Variants in CITED4 observed in about 807,000 individuals in gnomAD.
CITED4 encodes the protein cbp/p300-interacting transactivator 4.
CITED4 carries 3 observed loss-of-function variants against 3.3 expected under a neutral mutation model. That is an observed-to-expected ratio of 0.92 (90% CI 0.42 to 2.38). The LOEUF (loss-of-function observed/expected upper bound fraction) is 2.38, where lower values mean the gene tolerates loss of function less well. Ranked by LOEUF, CITED4 falls within the 30% of genes most tolerant of loss-of-function variation. The pLI is 0.05. For synonymous variants in CITED4, 167 were observed against 145.8 expected (o/e 1.15, Z -1.05); for missense variants, 333 against 274.2 (o/e 1.21, Z -1.51).
chr1:40,861,679 C>A lies in CITED4; in HGVS notation c.449G>T (p.Gly150Val). 6.7e-7 allele frequency: 1 copy of A among 1,496,174 alleles called. No homozygotes were observed. The highest frequency in any genetic ancestry group is 8.9e-7 in the Non-Finnish European group (1 of 1,125,334). The allele number at this position is 1,496,174 out of a possible 1,614,324, so 92.7% of individuals were successfully genotyped here. Residue 150 changes from glycine to valine, a missense_variant, in exon 1 of 1, where the codon GGG (glycine) becomes GTG (valine). Physicochemically the swap from Gly to Val is moderately radical, Grantham distance 109. Transcript: ENST00000372638. ...EALTSLELEL[G>V]LHRVRELPEL... ...GGGCAGCTCGCGCACGCGGTGCAGC[C>A]CGAGCTCCAGCTCCAGCGACGTCAG...
At position 40,861,499 on chromosome 1, in the gene CITED4, T is replaced by G; in HGVS notation, c.*74A>C. ...CGCGGAGGGCGCGCGCGGGGCCCAG[T>G]CGCTGGGTGCAGGGTCCGGCGGGCA... On this transcript the variant is annotated 3_prime_UTR_variant, in exon 1 of 1. Coordinates refer to ENST00000372638, the MANE Select transcript of CITED4 (RefSeq NM_133467.3). 1.0e-6 allele frequency: 1 copy of G among 966,236 alleles called. No individual in the cohort carries two copies. The highest frequency in any genetic ancestry group is 1.3e-6 in the Non-Finnish European group (1 of 742,510). The allele number at this position is 966,236 out of a possible 1,614,324, so 59.9% of individuals were successfully genotyped here.
rs1431897882 is a variant in CITED4 at position 40,862,018 on chromosome 1, C to G, written c.110G>C (p.Gly37Ala). The change falls in exon 1 of 1, where the codon GGC becomes GCC. Residue 37 changes from glycine to alanine, a missense_variant. Gly to Ala is a moderately conservative substitution (Grantham distance 60). Coordinates refer to ENST00000372638, the MANE Select transcript of CITED4 (RefSeq NM_133467.3). ...HALRTLPPYA[G>A]PGLDSGLRPR... is the part of the protein sequence containing the mutation. ...CCTCAGCCCACTGTCCAGGCCCGGG[C>G]CCGCGTACGGCGGCAGAGTCCGGAG... The G allele has an allele frequency of 1.5e-6, 2 of 1,301,088 alleles. No individual in the cohort carries two copies. Among genetic ancestry groups the G allele is most frequent in the Non-Finnish European group, 2.0e-6 (2 of 1,024,242 alleles). The allele number at this position is 1,301,088 out of a possible 1,614,324, so 80.6% of individuals were successfully genotyped here. A position where few individuals can be genotyped will look rare whatever the true frequency, so the allele number is the denominator to read the frequency against.
rs1477235585 is a variant in CITED4 at position 40,861,999 on chromosome 1, C to A, written c.129G>T (p.Gly43=). The A allele has an allele frequency of 3.9e-6, 5 of 1,267,756 alleles. 1 individual carries two copies. The highest frequency in any genetic ancestry group is 4.8e-5 in the South Asian group (2 of 41,692). 78.5% of individuals were successfully genotyped at this position (1,267,756 alleles called of 1,614,324 possible). A position where few individuals can be genotyped will look rare whatever the true frequency, so the allele number is the denominator to read the frequency against. The part of the protein sequence containing the change: ...PPYAGPGLDS[G]LRPRGAPLGP... Reference sequence around the variant, plus strand: ...CCAGCGGAGCCCCCCGCGGCCTCAGCCCACTGTCCAGGCCCGGGCCCGCGT... The same window carrying A: ...CCAGCGGAGCCCCCCGCGGCCTCAGACCACTGTCCAGGCCCGGGCCCGCGT... Residue 43 remains glycine (G), a synonymous_variant, in exon 1 of 1, where the codon GGG becomes GGT. Transcript: ENST00000372638.
Position 40,861,820 on chromosome 1 carries a change from GGCGCGGCC to G in CITED4, c.300_307del (p.Ala101ProfsTer159), listed in dbSNP as rs1281228979. ...CGGGGGGCCTCCCGGAGCGTTGGGG[GGCGCGGCC>G]GCGCGGCCGGGGTACGGCGTCGCCA... On this transcript the variant is annotated frameshift_variant, in exon 1 of 1. Coordinates refer to ENST00000372638, the MANE Select transcript of CITED4 (RefSeq NM_133467.3). LOFTEE classifies it high-confidence loss of function. The G allele has an allele frequency of 3.6e-6, 4 of 1,100,212 alleles. No individual in the cohort carries two copies. Among genetic ancestry groups the G allele is most frequent in the East Asian group, 5.5e-5 (1 of 18,236 alleles). The allele number at this position is 1,100,212 out of a possible 1,614,324, so 68.2% of individuals were successfully genotyped here. A position where few individuals can be genotyped will look rare whatever the true frequency, so the allele number is the denominator to read the frequency against.
At position 40,861,963 on chromosome 1, in the gene CITED4, C is replaced by G. The variant is rs943798650; in HGVS notation, c.165G>C (p.Pro55=). The part of the protein sequence containing the change: ...RPRGAPLGPP[P]PRQPGALAYG... ...ACGCCAGGGCCCCGGGTTGGCGGGGCGGCGGCGGCCCCAGCGGAGCCCCCC... is the reference window on the plus strand; with the variant it reads ...ACGCCAGGGCCCCGGGTTGGCGGGGGGGCGGCGGCCCCAGCGGAGCCCCCC... The change falls in exon 1 of 1, where the codon CCG becomes CCC. Residue 55 remains proline, a synonymous_variant. Transcript: ENST00000372638. The G allele has an allele frequency of 1.6e-6, 2 of 1,243,202 alleles. No homozygotes were observed. Among genetic ancestry groups the G allele is most frequent in the South Asian group, 2.7e-5 (1 of 36,926 alleles). The allele number at this position is 1,243,202 out of a possible 1,614,324, so 77.0% of individuals were successfully genotyped here. A position where few individuals can be genotyped will look rare whatever the true frequency, so the allele number is the denominator to read the frequency against.
Position 40,861,612 on chromosome 1 carries a change from G to C in CITED4, c.516C>G (p.Asp172Glu), listed in dbSNP as rs1021463693. Reference protein sequence around the residue: ...LGQSEFDCFSDLGSAPPAGSV... With the variant: ...LGQSEFDCFSELGSAPPAGSV... ...AGCCGGCGGGCGGCGCGGACCCCAA[G>C]TCCGAGAAGCAGTCGAACTCGCTCT... Residue 172 changes from aspartate to glutamate, a missense_variant, in exon 1 of 1, where the codon GAC becomes GAG. Transcript: ENST00000372638. 2.0e-6 allele frequency: 3 copies of C among 1,478,050 alleles called. No homozygotes were observed. The highest frequency in any genetic ancestry group is 2.7e-6 in the Non-Finnish European group (3 of 1,118,322). The allele number at this position is 1,478,050 out of a possible 1,614,324, so 91.6% of individuals were successfully genotyped here. A position where few individuals can be genotyped will look rare whatever the true frequency, so the allele number is the denominator to read the frequency against.
In CITED4 at chr1:40,862,088, C is replaced by G. The variant is rs1297785602; in HGVS notation, c.40G>C (p.Val14Leu). ...GCCGCGGCGGACGGCGGCCTCTGCA[C>G]CAGGCGGTAGCCCTCGGCGAGCATC... ...HLMLAEGYRL[V>L]QRPPSAAAAH... Residue 14 changes from valine to leucine, a missense_variant, in exon 1 of 1, where the codon GTG becomes CTG. Transcript: ENST00000372638. 1.5e-6 allele frequency: 2 copies of G among 1,318,892 alleles called. No homozygotes were observed. Among genetic ancestry groups the G allele is most frequent in the South Asian group, 3.9e-5 (2 of 51,510 alleles). The allele number at this position is 1,318,892 out of a possible 1,614,324, so 81.7% of individuals were successfully genotyped here. A position where few individuals can be genotyped will look rare whatever the true frequency, so the allele number is the denominator to read the frequency against.
At position 40,861,823 on chromosome 1, in the gene CITED4, G is replaced by A. The variant is rs1649387104; in HGVS notation, c.305C>T (p.Ala102Val). The part of the protein sequence containing the change: ...VATPYPGRAA[A>V]PPNAPGGPPG... ...GGGGCCTCCCGGAGCGTTGGGGGGC[G>A]CGGCCGCGCGGCCGGGGTACGGCGT... Residue 102 changes from alanine to valine, a missense_variant, in exon 1 of 1, where the codon GCG becomes GTG. Physicochemically the swap from Ala to Val is moderately conservative, Grantham distance 64. Transcript: ENST00000372638. 1 of 1,097,888 alleles carries A rather than the reference G, an allele frequency of 9.1e-7. No individual in the cohort carries two copies. The highest frequency in any genetic ancestry group is 1.1e-6 in the Non-Finnish European group (1 of 904,518). 68.0% of individuals were successfully genotyped at this position (1,097,888 alleles called of 1,614,324 possible). A position where few individuals can be genotyped will look rare whatever the true frequency, so the allele number is the denominator to read the frequency against.
chr1:40,862,045 G>A lies in CITED4; in HGVS notation c.83C>T (p.Ala28Val), dbSNP rs1482909787. The change falls in exon 1 of 1, where the codon GCG (alanine) becomes GTG (valine). Residue 28 changes from alanine (A) to valine (V), a missense_variant. Ala to Val is a moderately conservative substitution (Grantham distance 64). Coordinates refer to ENST00000372638, the MANE Select transcript of CITED4 (RefSeq NM_133467.3). ...PSAAAAHGPH[A>V]LRTLPPYAGP... ...CGCGTACGGCGGCAGAGTCCGGAGC[G>A]CATGAGGGCCATGGGCGGCCGCGGC... 6 of 1,320,526 alleles carry A rather than the reference G, an allele frequency of 4.5e-6. No homozygotes were observed. The highest frequency in any genetic ancestry group is 3.8e-5 in the South Asian group (2 of 52,994). 81.8% of individuals were successfully genotyped at this position (1,320,526 alleles called of 1,614,324 possible).
chr1:40,862,032 C>G lies in CITED4; in HGVS notation c.96G>C (p.Leu32=). 7.6e-7 allele frequency: 1 copy of G among 1,310,836 alleles called. No individual in the cohort carries two copies. Among genetic ancestry groups the G allele is most frequent in the Non-Finnish European group, 9.7e-7 (1 of 1,029,208 alleles). The allele number at this position is 1,310,836 out of a possible 1,614,324, so 81.2% of individuals were successfully genotyped here. ...CCAGGCCCGGGCCCGCGTACGGCGG[C>G]AGAGTCCGGAGCGCATGAGGGCCAT... ...AAHGPHALRT[L]PPYAGPGLDS... The change falls in exon 1 of 1, where the codon CTG becomes CTC. Residue 32 remains leucine, a synonymous_variant. Transcript: ENST00000372638.
In CITED4 at chr1:40,861,449, C is replaced by T. The variant is rs1018215724; in HGVS notation, c.*124G>A. On this transcript the variant is annotated 3_prime_UTR_variant, in exon 1 of 1. Transcript: ENST00000372638. ...GGTCCCAGTCCGGTGCCGGGCCCTG[C>T]GCACACAGCCGCCGCCTCCACCCTC... is the stretch of plus-strand genomic sequence containing the variant. The T allele has an allele frequency of 1.1e-5, 5 of 466,836 alleles. No homozygotes were observed. In the South Asian group the frequency reaches 3.3e-4, roughly 31 times the overall value. The allele number at this position is 466,836 out of a possible 1,614,324, so 28.9% of individuals were successfully genotyped here.
chr1:40,861,500 C>T lies in CITED4; in HGVS notation c.*73G>A. 2.0e-6 allele frequency: 2 copies of T among 985,412 alleles called. No individual in the cohort carries two copies. Among genetic ancestry groups the T allele is most frequent in the East Asian group, 3.6e-5 (1 of 27,702 alleles). 61.0% of individuals were successfully genotyped at this position (985,412 alleles called of 1,614,324 possible). Reference sequence around the variant, plus strand: ...GCGGAGGGCGCGCGCGGGGCCCAGTCGCTGGGTGCAGGGTCCGGCGGGCAG... The same window carrying T: ...GCGGAGGGCGCGCGCGGGGCCCAGTTGCTGGGTGCAGGGTCCGGCGGGCAG... On this transcript the variant is annotated 3_prime_UTR_variant, in exon 1 of 1. Transcript: ENST00000372638.
chr1:40,861,760 G>C lies in CITED4; in HGVS notation c.368C>G (p.Pro123Arg). The C allele has an allele frequency of 8.1e-7, 1 of 1,236,820 alleles. No homozygotes were observed. The highest frequency in any genetic ancestry group is 1.0e-6 in the Non-Finnish European group (1 of 984,958). The allele number at this position is 1,236,820 out of a possible 1,614,324, so 76.6% of individuals were successfully genotyped here. A position where few individuals can be genotyped will look rare whatever the true frequency, so the allele number is the denominator to read the frequency against. The change falls in exon 1 of 1, where the codon CCG becomes CGG. Residue 123 changes from proline (P) to arginine (R), a missense_variant. Pro to Arg is a moderately radical substitution (Grantham distance 103). Coordinates refer to ENST00000372638, the MANE Select transcript of CITED4 (RefSeq NM_133467.3). ...PQPAPSAAAP[P>R]PPAHALGGMD... Reference sequence around the variant, plus strand: ...GCCGCCCAGGGCGTGCGCGGGCGGCGGCGGGGCTGCGGCGCTTGGCGCCGG... The same window carrying C: ...GCCGCCCAGGGCGTGCGCGGGCGGCCGCGGGGCTGCGGCGCTTGGCGCCGG...
In CITED4 at chr1:40,861,675, C is replaced by A; in HGVS notation, c.453G>T (p.Leu151=). ...GCTCGGGCAGCTCGCGCACGCGGTGCAGCCCGAGCTCCAGCTCCAGCGACG... is the reference window on the plus strand; with the variant it reads ...GCTCGGGCAGCTCGCGCACGCGGTGAAGCCCGAGCTCCAGCTCCAGCGACG... ...ALTSLELELG[L]HRVRELPELF... Residue 151 remains leucine, a synonymous_variant, in exon 1 of 1, where the codon CTG becomes CTT. Transcript: ENST00000372638. 1 of 1,497,588 alleles carries A rather than the reference C, an allele frequency of 6.7e-7. No individual in the cohort carries two copies. Among genetic ancestry groups the A allele is most frequent in the Non-Finnish European group, 8.9e-7 (1 of 1,126,446 alleles). The allele number at this position is 1,497,588 out of a possible 1,614,324, so 92.8% of individuals were successfully genotyped here. A position where few individuals can be genotyped will look rare whatever the true frequency, so the allele number is the denominator to read the frequency against.
Position 40,862,033 on chromosome 1 carries a change from A to T in CITED4, c.95T>A (p.Leu32Gln), listed in dbSNP as rs117660625. ...CAGGCCCGGGCCCGCGTACGGCGGCAGAGTCCGGAGCGCATGAGGGCCATG... is the reference window on the plus strand; with the variant it reads ...CAGGCCCGGGCCCGCGTACGGCGGCTGAGTCCGGAGCGCATGAGGGCCATG... ...AAHGPHALRTLPPYAGPGLDS... is the reference protein window; with the variant it reads ...AAHGPHALRTQPPYAGPGLDS... Residue 32 changes from leucine (L) to glutamine (Q), a missense_variant, in exon 1 of 1, where the codon CTG becomes CAG. By Grantham distance (113) the Leu-to-Gln change is moderately radical. Transcript: ENST00000372638. 98,741 of 1,309,666 alleles carry T rather than the reference A, an allele frequency of 0.075. 7,977 individuals are homozygous for T. The highest frequency in any genetic ancestry group is 0.48 in the East Asian group (14,427 of 30,146). 81.1% of individuals were successfully genotyped at this position (1,309,666 alleles called of 1,614,324 possible).
In CITED4 at chr1:40,861,997, A is replaced by T; in HGVS notation, c.131T>A (p.Leu44Gln). ...CCCCAGCGGAGCCCCCCGCGGCCTC[A>T]GCCCACTGTCCAGGCCCGGGCCCGC... ...PYAGPGLDSGLRPRGAPLGPP... is the reference protein window; with the variant it reads ...PYAGPGLDSGQRPRGAPLGPP... Residue 44 changes from leucine (L) to glutamine (Q), a missense_variant, in exon 1 of 1, where the codon CTG becomes CAG. Transcript: ENST00000372638. The T allele has an allele frequency of 7.9e-7, 1 of 1,264,690 alleles. No homozygotes were observed. The highest frequency in any genetic ancestry group is 3.4e-5 in the East Asian group (1 of 29,478). 78.3% of individuals were successfully genotyped at this position (1,264,690 alleles called of 1,614,324 possible).
chr1:40,861,568 C>G lies in CITED4; in HGVS notation c.*5G>C. The G allele has an allele frequency of 7.2e-7, 1 of 1,397,752 alleles. No homozygotes were observed. The highest frequency in any genetic ancestry group is 1.5e-5 in the African/African-American group (1 of 65,142). The allele number at this position is 1,397,752 out of a possible 1,614,324, so 86.6% of individuals were successfully genotyped here. On this transcript the variant is annotated 3_prime_UTR_variant, in exon 1 of 1. Coordinates refer to ENST00000372638, the MANE Select transcript of CITED4 (RefSeq NM_133467.3). ...TCCGGCACGCCGGGCGGGCGCCGGC[C>G]GCCCTCAGCAGCTCACGGAGCCGGC... is the stretch of plus-strand genomic sequence containing the variant.
In CITED4 at chr1:40,862,145, C is replaced by T; in HGVS notation, c.-18G>A. 1 of 1,257,852 alleles carries T rather than the reference C, an allele frequency of 8.0e-7. No individual in the cohort carries two copies. The highest frequency in any genetic ancestry group is 1.0e-6 in the Non-Finnish European group (1 of 1,001,422). The allele number at this position is 1,257,852 out of a possible 1,614,324, so 77.9% of individuals were successfully genotyped here. ...TCGGCCATGGCGGCAGGCCGGCTGC[C>T]TGCGGGGACAGCGCGCGGTGGTCAG... On this transcript the variant is annotated 5_prime_UTR_variant, in exon 1 of 1. Coordinates refer to ENST00000372638, the MANE Select transcript of CITED4 (RefSeq NM_133467.3).
rs1057024749 is a variant in CITED4 at position 40,862,341 on chromosome 1, C to T, written c.-214G>A. 19 of 329,782 alleles carry T rather than the reference C, an allele frequency of 5.8e-5. No homozygotes were observed. The highest frequency in any genetic ancestry group is 8.3e-5 in the Non-Finnish European group (15 of 181,348). 20.4% of individuals were successfully genotyped at this position (329,782 alleles called of 1,614,324 possible). A position where few individuals can be genotyped will look rare whatever the true frequency, so the allele number is the denominator to read the frequency against. ...GCCTGGGGTCACAAAGGCCCGCAAC[C>T]TGTAGTGCTCCGAAACCTCCGCGTC... On this transcript the variant is annotated 5_prime_UTR_variant, in exon 1 of 1. Coordinates refer to ENST00000372638, the MANE Select transcript of CITED4 (RefSeq NM_133467.3).
Sources: gnomAD v4.1 joint callset for allele counts on GRCh38, gnomAD v4.1.1 for gene constraint, MANE v1.5 for transcripts, NCBI Gene and HGNC (gene_info 2026-07-23, HGNC 2026-07-21) for gene names.